Variants in PARP8 observed in about 807,000 individuals in gnomAD.
PARP8 encodes the protein protein mono-ADP-ribosyltransferase PARP8.
In PARP8, 51 loss-of-function variants were observed where a neutral mutation model predicts 124.1. The observed-to-expected ratio is 0.41, with a 90% CI of 0.33 to 0.52. The LOEUF is 0.52. Among genes scored for constraint, PARP8 ranks in the 20% least tolerant of loss-of-function variants. The pLI is 0.21. For synonymous variants in PARP8, 391 were observed against 361.5 expected (o/e 1.08, Z -0.93); for missense variants, 860 against 1,018.9 (o/e 0.84, Z 2.12).
At chr5:50,681,474 G>C (rs527237072) in intron 2 of PARP8, among the ~76,000 whole-genome samples, 3 of 152,030 alleles carry the variant, frequency 2.0e-5, no homozygotes, top group African/African-American at 4.8e-5. Flanking sequence ...AAAAGGATTA[G>C]CATGAGGGAT....
chr5:50,831,166 A>C (rs1436889016), intron 22 of PARP8, among the ~76,000 whole-genome samples: 1 of 152,180 alleles, frequency 6.6e-6, no homozygotes, highest in African/African-American at 2.4e-5. Context: ...GCATGTTAAC[A>C]AAAAAAGAAA....
At chr5:50,721,438 A>G (rs1755867923) in intron 2 of PARP8, among the ~76,000 whole-genome samples, 1 of 151,708 alleles carries the variant, frequency 6.6e-6, no homozygotes, top group Admixed American at 6.6e-5. Flanking sequence ...GTTGTAGTCC[A>G]TGTATTTTGT....
intron 14 of PARP8, among the ~76,000 whole-genome samples, chr5:50,806,806 A>G (rs149590858): frequency 6.6e-6 from 1 of 152,086 alleles, no homozygotes; most frequent in African/African-American, 2.4e-5. Context: ...TTACATTGCA[A>G]TATATTTTGC....
chr5:50,802,132 A>G (rs1743294944), intron 14 of PARP8, among the ~76,000 whole-genome samples: 1 of 152,058 alleles, frequency 6.6e-6, no homozygotes, highest in South Asian at 2.1e-4. Context: ...TTCTATTTGT[A>G]TTATGTCTAT....
intron 17 of PARP8, among the ~76,000 whole-genome samples, chr5:50,823,397 G>A (rs1745987722): frequency 6.6e-6 from 1 of 152,174 alleles, no homozygotes; most frequent in African/African-American, 2.4e-5. Flanking sequence ...TAAATAGTGT[G>A]TGTCTGGCAA....
intron 2 of PARP8, among the ~76,000 whole-genome samples, chr5:50,713,961 CT>C (rs1471188230): frequency 6.6e-6 from 1 of 152,060 alleles, no homozygotes; most frequent in Non-Finnish European, 1.5e-5. Flanking sequence ...TGTGGCCCCC[CT>C]GACATCTTGA....
intron 16 of PARP8, 140 bp downstream of exon 16, chr5:50,821,478 C>T: frequency 1.0e-6 from 1 of 976,232 alleles, no homozygotes; most frequent in Admixed American, 2.5e-5. Context: ...TTAATTTCAT[C>T]ATATATTTTT....
At position 50,774,006 on chromosome 5, in the gene PARP8, C is replaced by G. The variant is rs1291743062; in HGVS notation, c.519-4063C>G. Among the ~76,000 whole-genome samples, 15 of 152,060 alleles carry G rather than the reference C, an allele frequency of 9.9e-5. No homozygotes were observed. In the East Asian group the frequency reaches 2.7e-3, roughly 27 times the overall value. Reference sequence around the variant, plus strand: ...TGCGGCCTTCCACAGTGTTTGTGTCCCTGGGTACTTGAGATTAGGGAGTGG... The same window carrying G: ...TGCGGCCTTCCACAGTGTTTGTGTCGCTGGGTACTTGAGATTAGGGAGTGG... On this transcript the variant is annotated intron_variant, in intron 7 of 25. Transcript: ENST00000281631.
intron 7 of PARP8, among the ~76,000 whole-genome samples, chr5:50,775,072 G>A (rs1739823979): frequency 6.6e-6 from 1 of 151,142 alleles, no homozygotes; most frequent in Non-Finnish European, 1.5e-5. Context: ...TCACTTCCCA[G>A]ATGGGGCGGC....
intron 2 of PARP8, among the ~76,000 whole-genome samples, chr5:50,698,844 C>G (rs1355907676): frequency 6.6e-6 from 1 of 152,142 alleles, no homozygotes; most frequent in African/African-American, 2.4e-5. Context: ...CCAAAATGAT[C>G]TTTAACTTTG....
At chr5:50,832,758 T>A (rs898696445) in intron 22 of PARP8, 23 bp from the exon 23 acceptor site, 2 of 1,611,808 alleles carry the variant, frequency 1.2e-6, no homozygotes, top group African/African-American at 2.7e-5. Context: ...GTCCCTAAAT[T>A]ATTATTTTGC....
intron 2 of PARP8, among the ~76,000 whole-genome samples, chr5:50,697,657 A>G (rs759819767): frequency 1.3e-5 from 2 of 152,148 alleles, no homozygotes; most frequent in Non-Finnish European, 2.9e-5. Flanking sequence ...GTGTAGGCAC[A>G]TGCCATCATG....
intron 2 of PARP8, among the ~76,000 whole-genome samples, chr5:50,675,756 G>A (rs1750557992): frequency 6.6e-6 from 1 of 151,964 alleles, no homozygotes; most frequent in African/African-American, 2.4e-5. Flanking sequence ...CATCTGTGAA[G>A]GAATAAAGTA....
At chr5:50,752,765 G>A (rs142224326) in intron 3 of PARP8, among the ~76,000 whole-genome samples, 1 of 151,830 alleles carries the variant, frequency 6.6e-6, no homozygotes, top group Non-Finnish European at 1.5e-5. Context: ...ACTTTTCCTG[G>A]ATTATTTGGA....
At chr5:50,736,548 T>C (rs1242904038) in intron 2 of PARP8, among the ~76,000 whole-genome samples, 1 of 152,198 alleles carries the variant, frequency 6.6e-6, no homozygotes, top group Non-Finnish European at 1.5e-5. Context: ...AAAGATTCTT[T>C]GCTTATGTTT....
At chr5:50,739,396 A>T (rs1367363723) in intron 2 of PARP8, among the ~76,000 whole-genome samples, 2 of 143,852 alleles carry the variant, frequency 1.4e-5, no homozygotes, top group Non-Finnish European at 3.0e-5. Context: ...TTGTGGGGGG[A>T]TGGGGGTGGG....
At chr5:50,677,314 CAAA>C (rs35154231) in intron 2 of PARP8, among the ~76,000 whole-genome samples, 65 of 128,916 alleles carry the variant, frequency 5.0e-4, no homozygotes, top group Admixed American at 7.7e-4. Context: ...AGATATGCAG[CAAA>C]AAAAAAAAAA....
At chr5:50,671,973 C>T (rs957337257) in intron 2 of PARP8, among the ~76,000 whole-genome samples, 3 of 152,110 alleles carry the variant, frequency 2.0e-5, no homozygotes, top group African/African-American at 4.8e-5. Context: ...CAGGAGCTTC[C>T]GTCTAGATAA....
intron 7 of PARP8, among the ~76,000 whole-genome samples, chr5:50,764,593 G>A (rs147351569): frequency 6.6e-6 from 1 of 152,160 alleles, no homozygotes; most frequent in Non-Finnish European, 1.5e-5. Flanking sequence ...GGTATATTAG[G>A]CTACAATTGA....
Sources: allele counts gnomAD v4.1 joint callset (sites outside exome capture counted in the v4.1 genomes callset), GRCh38; gene constraint gnomAD v4.1.1; transcripts MANE v1.5; gene names NCBI Gene and HGNC (gene_info 2026-07-23, HGNC 2026-07-21).